EPHA5: variants seen among roughly 807,000 people sequenced by gnomAD.
EPHA5 encodes the protein EPH receptor A5.
Under a neutral mutation model 105.0 loss-of-function variants are expected in EPHA5, and 60 were observed. That is an observed-to-expected ratio of 0.57 (90% CI 0.46 to 0.71). The LOEUF (loss-of-function observed/expected upper bound fraction) is 0.71, where lower values mean the gene tolerates loss of function less well. EPHA5 is among the 30% of genes least tolerant of loss of function. EPHA5 has a pLI of 0.00. For synonymous variants in EPHA5, 513 were observed against 449.1 expected, an observed-to-expected ratio of 1.14 and a Z score of -1.80; for missense variants, 1,218 against 1,274.7, an observed-to-expected ratio of 0.96 and a Z score of 0.68.
In EPHA5 at chr4:65,490,680, T is replaced by C; in HGVS notation, c.1099A>G (p.Asn367Asp). Residue 367 changes from asparagine (N) to aspartate (D), a missense_variant, in exon 5 of 17, where the codon AAT becomes GAT. By Grantham distance (23) the Asn-to-Asp change is conservative. Coordinates refer to ENST00000613740, the MANE Select transcript of EPHA5 (RefSeq NM_001281766.3). ...PPSAPRNAISNVNETSVFLEW... is the reference protein window; with the variant it reads ...PPSAPRNAISDVNETSVFLEW... Reference sequence around the variant, plus strand: ...AGAAAGACACTAGTTTCATTAACATTTGAGATGGCATTCCGAGGAGCAGAG... The same window carrying C: ...AGAAAGACACTAGTTTCATTAACATCTGAGATGGCATTCCGAGGAGCAGAG... The C allele has an allele frequency of 6.2e-7, 1 of 1,613,964 alleles. No individual in the cohort carries two copies. Among genetic ancestry groups the C allele is most frequent in the Non-Finnish European group, 8.5e-7 (1 of 1,179,866 alleles).
At chr4:65,396,812 C>T (rs958104351) in intron 8 of EPHA5, among the ~76,000 whole-genome samples, 5 of 152,092 alleles carry the variant, frequency 3.3e-5, no homozygotes, top group African/African-American at 9.7e-5. Context: ...TCAAGCAGCC[C>T]CTGATATCAG....
At chr4:65,428,848 TGAAAA>T (rs1171139862) in intron 5 of EPHA5, among the ~76,000 whole-genome samples, 4 of 152,034 alleles carry the variant, frequency 2.6e-5, no homozygotes, top group Non-Finnish European at 5.9e-5. Flanking sequence ...GATATTAACT[TGAAAA>T]GAAAATGACA....
chr4:65,445,117 T>G (rs1726391469), intron 5 of EPHA5, among the ~76,000 whole-genome samples: 1 of 152,140 alleles, frequency 6.6e-6, no homozygotes, highest in African/African-American at 2.4e-5. Context: ...TATTCATGTT[T>G]TGGATACACA....
chr4:65,356,141 A>G (rs1046835211), intron 11 of EPHA5, among the ~76,000 whole-genome samples: 1 of 151,372 alleles, frequency 6.6e-6, no homozygotes, highest in African/African-American at 2.4e-5. Flanking sequence ...ATCATTATCT[A>G]CTTTACCCCA....
Position 65,365,925 on chromosome 4 carries a change from G to A in EPHA5, c.1987+7C>T, listed in dbSNP as rs767058477. The A allele has an allele frequency of 1.0e-5, 16 of 1,603,952 alleles. No homozygotes were observed. In the African/African-American group the frequency reaches 1.5e-4, roughly 15 times the overall value. ...GTTAAAAATGAAAGTCAAACACATT[G>A]TCGTACCTGCTCCAATAACTCTCTC... On this transcript the variant is annotated splice_region_variant and intron_variant, in intron 10 of 16. Transcript: ENST00000613740.
intron 1 of EPHA5, among the ~76,000 whole-genome samples, chr4:65,650,657 C>A (rs1748533101): frequency 6.6e-6 from 1 of 151,868 alleles, no homozygotes. Flanking sequence ...GAATCATTGA[C>A]CAAATCCTAC....
intron 14 of EPHA5, among the ~76,000 whole-genome samples, chr4:65,341,273 C>T (rs528825710): frequency 6.6e-6 from 1 of 152,056 alleles, no homozygotes; most frequent in Non-Finnish European, 1.5e-5. Flanking sequence ...CCTCAGGTTC[C>T]AAATAATCAG....
chr4:65,532,475 C>T (rs538465600), intron 3 of EPHA5, among the ~76,000 whole-genome samples: 3 of 151,836 alleles, frequency 2.0e-5, no homozygotes, highest in South Asian at 2.1e-4. Context: ...TAGACCAATC[C>T]TATGTAGCTT....
chr4:65,458,908 A>C (rs1305606863), intron 5 of EPHA5, among the ~76,000 whole-genome samples: 6 of 152,106 alleles, frequency 3.9e-5, no homozygotes. Flanking sequence ...AGGCAAGTTA[A>C]CATATTCATT....
chr4:65,489,045 C>A (rs1359740071), intron 5 of EPHA5, among the ~76,000 whole-genome samples: 1 of 150,642 alleles, frequency 6.6e-6, no homozygotes, highest in Non-Finnish European at 1.5e-5. Context: ...ACCACCATGC[C>A]CGGCTAATTT....
At chr4:65,524,140 C>A (rs1367599772) in intron 3 of EPHA5, among the ~76,000 whole-genome samples, 3 of 151,648 alleles carry the variant, frequency 2.0e-5, no homozygotes, top group Admixed American at 1.3e-4. Flanking sequence ...ATTAAGTAAT[C>A]AAACAAGAGG....
chr4:65,465,533 AAAGGAAAGGAAGG>A (rs1330749874), intron 5 of EPHA5, among the ~76,000 whole-genome samples: 84 of 69,610 alleles, frequency 1.2e-3, no homozygotes, highest in African/African-American at 2.6e-3. Flanking sequence ...GAAAGAAAAG[AAAGGAAAGGAAGG>A]AAAGGAAGGA....
At chr4:65,611,444 A>T (rs1744748108) in intron 2 of EPHA5, among the ~76,000 whole-genome samples, 1 of 151,878 alleles carries the variant, frequency 6.6e-6, no homozygotes. Context: ...GATTCAGCTT[A>T]ATGAAAATAA....
chr4:65,518,355 T>C (rs1734309696), intron 3 of EPHA5, among the ~76,000 whole-genome samples: 1 of 151,968 alleles, frequency 6.6e-6, no homozygotes, highest in African/African-American at 2.4e-5. Context: ...ATCACAAATG[T>C]ATTAGCTTTT....
chr4:65,392,265 T>A (rs1720790589), intron 8 of EPHA5, among the ~76,000 whole-genome samples: 1 of 152,138 alleles, frequency 6.6e-6, no homozygotes, highest in South Asian at 2.1e-4. Flanking sequence ...AGATATTAAA[T>A]CAATACACGT....
intron 2 of EPHA5, among the ~76,000 whole-genome samples, chr4:65,623,569 G>T (rs776665778): frequency 6.6e-6 from 1 of 152,094 alleles, no homozygotes; most frequent in Non-Finnish European, 1.5e-5. Flanking sequence ...GAGATACAGT[G>T]TTTCTCTTAC....
At chr4:65,425,607 ATAT>A (rs895115045) in intron 5 of EPHA5, among the ~76,000 whole-genome samples, 3 of 151,746 alleles carry the variant, frequency 2.0e-5, no homozygotes, top group African/African-American at 4.8e-5. Flanking sequence ...TTTTTAAAAA[ATAT>A]TATTATTACT....
chr4:65,571,631 T>C (rs1740193532), intron 3 of EPHA5, among the ~76,000 whole-genome samples: 1 of 152,132 alleles, frequency 6.6e-6, no homozygotes, highest in Non-Finnish European at 1.5e-5. Flanking sequence ...TAGTTTTTAC[T>C]GTGGCACCCA....
At chr4:65,523,742 T>A (rs531711751) in intron 3 of EPHA5, among the ~76,000 whole-genome samples, 4 of 151,942 alleles carry the variant, frequency 2.6e-5, no homozygotes, top group African/African-American at 9.7e-5. Context: ...GTCCTCTTGA[T>A]TTTTTTAGTT....
Sources: gnomAD v4.1 joint callset for allele counts (sites outside exome capture counted in the v4.1 genomes callset) on GRCh38, gnomAD v4.1.1 for gene constraint, MANE v1.5 for transcripts, NCBI Gene and HGNC (gene_info 2026-07-23, HGNC 2026-07-21) for gene names.